CDC5L: variants seen among roughly 807,000 people sequenced by gnomAD.
CDC5L encodes the protein cell division cycle 5 like.
CDC5L carries 18 observed loss-of-function variants against 104.1 expected under a neutral mutation model. That is an observed-to-expected ratio of 0.17 (90% confidence interval 0.12 to 0.26). The LOEUF (loss-of-function observed/expected upper bound fraction) is 0.26. Among genes scored for constraint, CDC5L ranks in the 10% least tolerant of loss-of-function variants. The probability of loss-of-function intolerance (pLI) is 1.00; values close to 1 mark genes in which losing one functional copy is unlikely to be tolerated. For synonymous variants in CDC5L, 331 were observed against 322.7 expected (o/e 1.03, Z -0.28); for missense variants, 673 against 956.9 (o/e 0.70, Z 3.91).
rs762837144 is a variant in CDC5L at position 44,446,735 on chromosome 6, G to T, written c.*24G>T. The T allele has an allele frequency of 4.3e-6, 5 of 1,163,450 alleles. No homozygotes were observed. Among genetic ancestry groups the T allele is most frequent in the South Asian group, 1.4e-5 (1 of 73,860 alleles). 72.1% of individuals were successfully genotyped at this position (1,163,450 alleles called of 1,614,324 possible). A position where few individuals can be genotyped will look rare whatever the true frequency, so the allele number is the denominator to read the frequency against. ...GAAGTACAGTTTATATTCTGTCACAGGATTAATTAATTGCCGGTTTTCATA... is the reference window on the plus strand; with the variant it reads ...GAAGTACAGTTTATATTCTGTCACATGATTAATTAATTGCCGGTTTTCATA... On this transcript the variant is annotated 3_prime_UTR_variant, in exon 16 of 16. Transcript: ENST00000371477.
chr6:44,418,584 A>G (rs1224151819), intron 8 of CDC5L, among the ~76,000 whole-genome samples: 1 of 152,146 alleles, frequency 6.6e-6, no homozygotes, highest in African/African-American at 2.4e-5. Flanking sequence ...TGACTTCCAC[A>G]ATGGTTGAAC....
chr6:44,439,470 A>G (rs565040595), intron 14 of CDC5L, among the ~76,000 whole-genome samples: 9 of 152,202 alleles, frequency 5.9e-5, no homozygotes, highest in African/African-American at 1.7e-4. Context: ...TTCTAACGCT[A>G]TTTTTACACT....
At chr6:44,425,148 C>T (rs1792363390) in intron 11 of CDC5L, among the ~76,000 whole-genome samples, 2 of 152,166 alleles carry the variant, frequency 1.3e-5, no homozygotes, top group African/African-American at 4.8e-5. Flanking sequence ...TTGCACGTAA[C>T]AGCACAGTGA....
chr6:44,424,303 G>A, intron 10 of CDC5L, 116 bp from the exon 11 acceptor site: 1 of 848,680 alleles, frequency 1.2e-6, no homozygotes, highest in Admixed American at 2.5e-5. Flanking sequence ...ATTTTAAAAT[G>A]TACAGTTATT....
intron 2 of CDC5L, among the ~76,000 whole-genome samples, chr6:44,391,168 ATATT>A (rs1009501036): frequency 6.9e-6 from 1 of 145,754 alleles, no homozygotes; most frequent in Non-Finnish European, 1.5e-5. Flanking sequence ...AATATGTTAT[ATATT>A]GTATATATTA....
chr6:44,396,538 T>C (rs1167884702), intron 5 of CDC5L, 98 bp downstream of exon 5: 1 of 725,726 alleles, frequency 1.4e-6, no homozygotes, highest in Non-Finnish European at 2.3e-6. Flanking sequence ...TTTTTTTTTT[T>C]TCCCCTCTCC....
intron 2 of CDC5L, among the ~76,000 whole-genome samples, chr6:44,392,455 A>G (rs888722782): frequency 6.6e-6 from 1 of 152,240 alleles, no homozygotes. Flanking sequence ...TTTTTTAACC[A>G]TTACTAATCT....
rs967629685 is a variant in CDC5L at position 44,445,929 on chromosome 6, C to T, written c.2304+62C>T. On this transcript the variant is annotated intron_variant, in intron 15 of 15. Transcript: ENST00000371477. The stretch of plus-strand genomic sequence containing the variant: ...GCTGCAAAGAATTATCAGGGCTGTC[C>T]TCTTTTACTTCTCCTATGTAGACTG... 62 of 1,248,276 alleles carry T rather than the reference C, an allele frequency of 5.0e-5. No homozygotes were observed. The African/African-American group carries it at 8.5e-4, about 17-fold the overall frequency. The allele number at this position is 1,248,276 out of a possible 1,614,324, so 77.3% of individuals were successfully genotyped here.
rs755014998 is a variant in CDC5L, at chr6:44,424,454, G to C, written c.1440G>C (p.Leu480Phe). Residue 480 changes from leucine to phenylalanine, a missense_variant, in exon 11 of 16, where the codon TTG becomes TTC. Coordinates refer to ENST00000371477, the MANE Select transcript of CDC5L (RefSeq NM_001253.4). ...CCCGAGAACATCTCCGTTTAGGGTT[G>C]TTGGGCCTTCCTGCCCCTAAGAATG... ...RESREHLRLG[L>F]LGLPAPKNDF... 6.2e-7 allele frequency: 1 copy of C among 1,613,960 alleles called. No individual in the cohort carries two copies. Among genetic ancestry groups the C allele is most frequent in the Admixed American group, 1.7e-5 (1 of 60,014 alleles).
At chr6:44,425,540 G>C (rs1792382001) in intron 11 of CDC5L, among the ~76,000 whole-genome samples, 2 of 152,156 alleles carry the variant, frequency 1.3e-5, no homozygotes, top group Non-Finnish European at 2.9e-5. Flanking sequence ...CAGGGGATTG[G>C]AGTGAGAATG....
At chr6:44,388,185 A>G (rs1790436423) in intron 1 of CDC5L, among the ~76,000 whole-genome samples, 1 of 115,758 alleles carries the variant, frequency 8.6e-6, no homozygotes, top group Admixed American at 1.2e-4. Context: ...AAGAACTCAG[A>G]GTTCCAACTC....
chr6:44,448,846 A>T lies in CDC5L; in HGVS notation c.*2135A>T, dbSNP rs1194495806. The T allele has an allele frequency of 1.3e-5, 2 of 152,128 alleles. No homozygotes were observed. Among genetic ancestry groups the T allele is most frequent in the African/African-American group, 4.8e-5 (2 of 41,418 alleles). 9.4% of individuals were successfully genotyped at this position (152,128 alleles called of 1,614,324 possible). On this transcript the variant is annotated 3_prime_UTR_variant, in exon 16 of 16. Coordinates refer to ENST00000371477, the MANE Select transcript of CDC5L (RefSeq NM_001253.4). ...TGCTGTTGGGAGTTAGATAGTCTTT[A>T]TCTGAAAGACAGTGTCTCTCTTTTA...
intron 11 of CDC5L, among the ~76,000 whole-genome samples, chr6:44,424,788 AAT>A (rs567943015): frequency 3.9e-4 from 60 of 152,346 alleles, no homozygotes; most frequent in Admixed American, 1.3e-3. Context: ...CATTCTTAAA[AAT>A]ATATATATGG....
chr6:44,432,822 G>T (rs1792745171), intron 14 of CDC5L, among the ~76,000 whole-genome samples: 1 of 152,132 alleles, frequency 6.6e-6, no homozygotes, highest in African/African-American at 2.4e-5. Context: ...TTAGAACCTT[G>T]CCAGACTTTT....
chr6:44,413,797 C>T (rs1791774138), intron 8 of CDC5L, among the ~76,000 whole-genome samples: 1 of 152,134 alleles, frequency 6.6e-6, no homozygotes, highest in Non-Finnish European at 1.5e-5. Context: ...GTCGCCCAGG[C>T]TGGTCTTGAA....
chr6:44,445,582 T>C (rs1793411367), intron 14 of CDC5L, 73 bp from the exon 15 acceptor site: 6 of 1,032,876 alleles, frequency 5.8e-6, no homozygotes, highest in Non-Finnish European at 7.2e-6. Flanking sequence ...GAACGCATGG[T>C]ACCTTTTTAG....
At chr6:44,442,428 G>T (rs1337367819) in intron 14 of CDC5L, among the ~76,000 whole-genome samples, 4 of 149,912 alleles carry the variant, frequency 2.7e-5, no homozygotes, top group African/African-American at 9.9e-5. Context: ...GCTTTCTGTA[G>T]TGGTATGCTT....
At chr6:44,426,793 A>G in intron 13 of CDC5L, 69 bp downstream of exon 13, 1 of 1,452,410 alleles carries the variant, frequency 6.9e-7, no homozygotes, top group East Asian at 2.3e-5. Context: ...TCATGGACAA[A>G]TAATGAACTT....
intron 13 of CDC5L, 145 bp from the exon 14 acceptor site, chr6:44,429,568 T>A (rs1351668742): frequency 1.1e-5 from 7 of 626,134 alleles, no homozygotes; most frequent in Admixed American, 5.8e-5. Flanking sequence ...TTTTCCTAGG[T>A]ATTGTTATCC....
Sources: allele counts gnomAD v4.1 joint callset (sites outside exome capture counted in the v4.1 genomes callset), GRCh38; gene constraint gnomAD v4.1.1; transcripts MANE v1.5; gene names NCBI Gene and HGNC (gene_info 2026-07-23, HGNC 2026-07-21).